The following ATP13A5 variants were observed in gnomAD, a reference collection of about 807,000 sequenced individuals.
ATP13A5 encodes the protein ATPase 13A5.
A neutral mutation model predicts 150.2 loss-of-function variants in ATP13A5; 149 were observed. The ratio of observed to expected loss-of-function variants is 0.99; its 90% CI spans 0.87 to 1.14. The LOEUF (loss-of-function observed/expected upper bound fraction) is 1.14, where lower values mean the gene tolerates loss of function less well. ATP13A5 is among the 50% of genes most tolerant of loss of function. The pLI is 0.00. For synonymous variants in ATP13A5, 497 were observed against 522.2 expected, an observed-to-expected ratio of 0.95 and a Z score of 0.66; for missense variants, 1,383 against 1,449.3, an observed-to-expected ratio of 0.95 and a Z score of 0.74.
intron 19 of ATP13A5, 118 bp downstream of exon 19, chr3:193,313,913 CTG>C (rs760884042): frequency 1.3e-5 from 16 of 1,195,724 alleles, no homozygotes; most frequent in Non-Finnish European, 1.9e-5. Context: ...CTGTCAAACT[CTG>C]GACAGATGTG....
intron 17 of ATP13A5, among the ~76,000 whole-genome samples, chr3:193,318,477 A>G (rs1279930917): frequency 6.6e-6 from 1 of 152,198 alleles, no homozygotes; most frequent in African/African-American, 2.4e-5. Context: ...ACTGAATTTT[A>G]TTTCTCATAA....
chr3:193,331,014 G>A (rs1047981577), intron 12 of ATP13A5, 109 bp downstream of exon 12: 26 of 1,155,728 alleles, frequency 2.2e-5, no homozygotes, highest in Middle Eastern at 2.0e-4. Flanking sequence ...TGGCCTCAAC[G>A]TTCCTATCTG....
At chr3:193,355,311 TCAC>T (rs1458947455) in intron 5 of ATP13A5, among the ~76,000 whole-genome samples, 1 of 152,122 alleles carries the variant, frequency 6.6e-6, no homozygotes. Flanking sequence ...CCTTCAATCA[TCAC>T]ATTATTCCCA....
intron 9 of ATP13A5, among the ~76,000 whole-genome samples, chr3:193,342,462 A>C (rs1712165572): frequency 6.6e-6 from 1 of 152,154 alleles, no homozygotes; most frequent in African/African-American, 2.4e-5. Flanking sequence ...GAAATAATGT[A>C]TTTTTACTTC....
intron 28 of ATP13A5, among the ~76,000 whole-genome samples, chr3:193,278,364 G>T (rs1483978520): frequency 6.6e-6 from 1 of 152,076 alleles, no homozygotes; most frequent in Non-Finnish European, 1.5e-5. Flanking sequence ...ACTCCATGTT[G>T]CCCTTGGCAT....
At chr3:193,289,459 T>C (rs984514413) in intron 26 of ATP13A5, among the ~76,000 whole-genome samples, 1 of 152,114 alleles carries the variant, frequency 6.6e-6, no homozygotes, top group East Asian at 1.9e-4. Flanking sequence ...GTAGATAATG[T>C]TTTATTAGAA....
chr3:193,378,081 TG>T (rs1713706176), intron 1 of ATP13A5, among the ~76,000 whole-genome samples: 1 of 144,694 alleles, frequency 6.9e-6, no homozygotes, highest in East Asian at 2.0e-4. Flanking sequence ...TAAATGTGTG[TG>T]TGTGTGTGTG....
At chr3:193,352,929 C>A (rs1712621084) in intron 6 of ATP13A5, among the ~76,000 whole-genome samples, 1 of 151,822 alleles carries the variant, frequency 6.6e-6, no homozygotes, top group Non-Finnish European at 1.5e-5. Context: ...AAGGACTAGA[C>A]AGCAAAATCT....
At chr3:193,368,391 C>CG (rs1713323244) in intron 1 of ATP13A5, among the ~76,000 whole-genome samples, 4 of 38,176 alleles carry the variant, frequency 1.0e-4, no homozygotes, top group Admixed American at 3.2e-4. Context: ...TCTCTTCAGA[C>CG]TTGTGTGTGT....
intron 9 of ATP13A5, among the ~76,000 whole-genome samples, chr3:193,337,740 T>G (rs1435328931): frequency 6.6e-6 from 1 of 152,196 alleles, no homozygotes; most frequent in Non-Finnish European, 1.5e-5. Context: ...CATATGAACT[T>G]TAAAGTAGTT....
At chr3:193,345,173 A>G in intron 7 of ATP13A5, 98 bp from the exon 8 acceptor site, 1 of 1,173,250 alleles carries the variant, frequency 8.5e-7, no homozygotes. Flanking sequence ...GTCACAGCTA[A>G]AGTGACTCTG....
chr3:193,299,146 T>A lies in ATP13A5; in HGVS notation c.2833A>T (p.Met945Leu). 1.9e-6 allele frequency: 3 copies of A among 1,608,294 alleles called. No individual in the cohort carries two copies. The highest frequency in any genetic ancestry group is 2.5e-6 in the Non-Finnish European group (3 of 1,177,528). ...AAGAGCTTACTTGTTAAACAGACCA[T>A]CAAAGTAATGGCTACATCTTGCATG... Reference protein sequence around the residue: ...YLMQDVAITLMVCLTMSSTHA... With the variant: ...YLMQDVAITLLVCLTMSSTHA... The change falls in exon 25 of 30, where the codon ATG (methionine) becomes TTG (leucine). Residue 945 changes from methionine to leucine, a missense_variant. Met to Leu is a conservative substitution (Grantham distance 15, BLOSUM62 2). Around this residue, in one of 3 missense-constraint regions of ATP13A5, gnomAD observed 568 missense variants for 621.5 expected, o/e 0.91. Transcript: ENST00000342358.
At chr3:193,339,128 CTTCT>C (rs1393692467) in intron 9 of ATP13A5, among the ~76,000 whole-genome samples, 1 of 151,674 alleles carries the variant, frequency 6.6e-6, no homozygotes, top group Non-Finnish European at 1.5e-5. Context: ...TCTCTCTTTT[CTTCT>C]TTATTAGTCT....
In ATP13A5 at chr3:193,324,955, G is replaced by A. The variant is rs757220508; in HGVS notation, c.1583C>T (p.Ala528Val). The change falls in exon 14 of 30, where the codon GCG becomes GTG. Residue 528 changes from alanine (A) to valine (V), a missense_variant. Coordinates refer to ENST00000342358, the MANE Select transcript of ATP13A5 (RefSeq NM_198505.4). ...GQAVPWSPLC[A>V]AMASCHSLIL... ...CAGAGAGTGGCAGCTGGCCATGGCC[G>A]CACACAGTGGGCTCCATGGCACAGC... The A allele has an allele frequency of 1.2e-5, 19 of 1,613,794 alleles. No individual in the cohort carries two copies. The highest frequency in any genetic ancestry group is 6.7e-5 in the East Asian group (3 of 44,892).
chr3:193,311,739 G>C, intron 20 of ATP13A5, 77 bp downstream of exon 20: 3 of 1,568,412 alleles, frequency 1.9e-6, no homozygotes, highest in Non-Finnish European at 2.6e-6. Flanking sequence ...AGTGATCACT[G>C]TTTTCAATAC....
intron 17 of ATP13A5, among the ~76,000 whole-genome samples, chr3:193,318,458 A>G (rs929920210): frequency 1.3e-5 from 2 of 152,220 alleles, no homozygotes; most frequent in Non-Finnish European, 2.9e-5. Flanking sequence ...CTGTAATGTA[A>G]TTAAGAATAC....
chr3:193,280,213 G>A (rs1717422341), intron 27 of ATP13A5, among the ~76,000 whole-genome samples: 1 of 152,002 alleles, frequency 6.6e-6, no homozygotes, highest in African/African-American at 2.4e-5. Flanking sequence ...ACCATGCATG[G>A]CTAAATTTTT....
intron 1 of ATP13A5, among the ~76,000 whole-genome samples, chr3:193,371,091 G>A (rs1713422485): frequency 1.3e-5 from 2 of 152,144 alleles, no homozygotes; most frequent in African/African-American, 4.8e-5. Flanking sequence ...GTAAGTGTGG[G>A]TCAAAAGATG....
intron 23 of ATP13A5, among the ~76,000 whole-genome samples, chr3:193,303,020 G>A (rs1434983131): frequency 6.6e-6 from 1 of 152,192 alleles, no homozygotes; most frequent in Non-Finnish European, 1.5e-5. Context: ...ACATGCATGA[G>A]GAGGAGCATC....
Sources: gnomAD v4.1 joint callset for allele counts (sites outside exome capture counted in the v4.1 genomes callset) on GRCh38, gnomAD v4.1.1 for gene constraint, gnomAD v4.1.1 regional missense constraint, MANE v1.5 for transcripts, NCBI Gene and HGNC (gene_info 2026-07-23, HGNC 2026-07-21) for gene names.